KCNC2: variants seen among roughly 807,000 people sequenced by gnomAD.
The protein encoded by KCNC2 is potassium voltage-gated channel subfamily C member 2.
KCNC2 carries 21 observed loss-of-function variants against 44.5 expected under a neutral mutation model. The ratio of observed to expected loss-of-function variants is 0.47; its 90% CI spans 0.33 to 0.68. The LOEUF is 0.68. Among genes scored for constraint, KCNC2 ranks in the 30% least tolerant of loss-of-function variants. The probability of loss-of-function intolerance (pLI) is 0.01; values close to 1 mark genes in which losing one functional copy is unlikely to be tolerated. For missense variants in KCNC2, 589 were observed against 826.2 expected (o/e 0.71, Z 3.52); for synonymous variants, 391 against 339.1 (o/e 1.15, Z -1.68).
At chr12:75,144,700 T>C (rs897762942) in intron 2 of KCNC2, among the ~76,000 whole-genome samples, 3 of 152,142 alleles carry the variant, frequency 2.0e-5, no homozygotes, top group African/African-American at 7.2e-5. Context: ...ACCATTTTAA[T>C]TTGTCCTTAT....
intron 2 of KCNC2, among the ~76,000 whole-genome samples, chr12:75,149,180 T>A (rs1267765165): frequency 6.6e-6 from 1 of 151,806 alleles, no homozygotes; most frequent in East Asian, 1.9e-4. Context: ...TTTGGAAAAG[T>A]TGGAGGAACT....
intron 2 of KCNC2, among the ~76,000 whole-genome samples, chr12:75,186,089 A>AAATT (rs1892926118): frequency 6.8e-6 from 1 of 147,672 alleles, no homozygotes; most frequent in African/African-American, 2.5e-5. Context: ...ATAAATAAAT[A>AAATT]AATAAAAATT....
At chr12:75,148,752 C>T (rs1292735900) in intron 2 of KCNC2, among the ~76,000 whole-genome samples, 2 of 151,764 alleles carry the variant, frequency 1.3e-5, no homozygotes, top group African/African-American at 2.4e-5. Context: ...CTTTAAAGAA[C>T]ATTGAAACTT....
At chr12:75,079,406 C>G (rs1884281656) in intron 2 of KCNC2, among the ~76,000 whole-genome samples, 2 of 152,070 alleles carry the variant, frequency 1.3e-5, no homozygotes, top group African/African-American at 2.4e-5. Flanking sequence ...CTGTGAAAAA[C>G]AATCTAAGAT....
At chr12:75,204,744 GT>G (rs2031552686) in intron 2 of KCNC2, among the ~76,000 whole-genome samples, 1 of 152,000 alleles carries the variant, frequency 6.6e-6, no homozygotes, top group South Asian at 2.1e-4. Context: ...ACGTTGTCAG[GT>G]TATCATCTTA....
chr12:75,076,439 A>AT (rs1421492046), intron 2 of KCNC2, among the ~76,000 whole-genome samples: 11 of 151,748 alleles, frequency 7.2e-5, no homozygotes, highest in Non-Finnish European at 1.5e-4. Context: ...CGCCCGGCTA[A>AT]TTTTTTTTAT....
At chr12:75,058,955 T>C (rs1057090728) in intron 2 of KCNC2, among the ~76,000 whole-genome samples, 1 of 152,040 alleles carries the variant, frequency 6.6e-6, no homozygotes, top group Admixed American at 6.6e-5. Context: ...CTAATCAGCT[T>C]AGGCAGAACC....
At chr12:75,056,006 CTG>C (rs755383097) in intron 2 of KCNC2, among the ~76,000 whole-genome samples, 13 of 151,984 alleles carry the variant, frequency 8.6e-5, no homozygotes, top group Admixed American at 4.6e-4. Flanking sequence ...TGTCCTTTCT[CTG>C]TGCTACTCTC....
At chr12:75,099,376 C>G (rs1462604224) in intron 2 of KCNC2, among the ~76,000 whole-genome samples, 1 of 152,102 alleles carries the variant, frequency 6.6e-6, no homozygotes, top group Non-Finnish European at 1.5e-5. Context: ...TTTGTTCTGT[C>G]TATGAAAGGC....
intron 2 of KCNC2, among the ~76,000 whole-genome samples, chr12:75,055,021 A>G (rs1881590731): frequency 6.6e-6 from 1 of 152,300 alleles, no homozygotes; most frequent in East Asian, 1.9e-4. Flanking sequence ...GGTTACATTG[A>G]ATAACATTCA....
chr12:75,204,829 C>T lies in KCNC2; in HGVS notation c.687+2468G>A, dbSNP rs2137808975. Among the ~76,000 whole-genome samples, 3 of 152,000 alleles carry T rather than the reference C, an allele frequency of 2.0e-5. No individual in the cohort carries two copies. In the South Asian group the frequency reaches 6.2e-4, roughly 32 times the overall value. ...TGACTTATGATTACTTTTTTTCAGC[C>T]AACCCCTAGGAATTTGAAAAGGGAT... On this transcript the variant is annotated intron_variant, in intron 2 of 4. Coordinates refer to ENST00000549446, the MANE Select transcript of KCNC2 (RefSeq NM_139137.4).
intron 2 of KCNC2, among the ~76,000 whole-genome samples, chr12:75,093,017 T>G (rs1885618925): frequency 7.1e-6 from 1 of 141,180 alleles, no homozygotes; most frequent in Non-Finnish European, 1.6e-5. Flanking sequence ...CCTTTAGGCT[T>G]TTTTTTTTTT....
chr12:75,208,358 G>C (rs1285936245), intron 1 of KCNC2, among the ~76,000 whole-genome samples: 5 of 148,986 alleles, frequency 3.4e-5, no homozygotes, highest in Non-Finnish European at 7.4e-5. Context: ...CCTGCTCCCA[G>C]CCCCTAACCC....
chr12:75,109,614 T>C (rs2471637), intron 2 of KCNC2, among the ~76,000 whole-genome samples: 33,183 of 151,884 alleles, frequency 0.22, 4,511 homozygotes, highest in African/African-American at 0.38. Context: ...GATCATAAGA[T>C]TTTAAGTCCC....
intron 2 of KCNC2, among the ~76,000 whole-genome samples, chr12:75,141,667 A>C (rs78345955): frequency 0.015 from 2,212 of 152,202 alleles, 44 homozygotes; most frequent in African/African-American, 0.05. Flanking sequence ...TTTCAATGCG[A>C]TGTTTCCATG....
intron 2 of KCNC2, among the ~76,000 whole-genome samples, chr12:75,141,254 T>A (rs140991036): frequency 0.013 from 1,966 of 152,294 alleles, 17 homozygotes; most frequent in Non-Finnish European, 0.022. Flanking sequence ...ACAATGTCAA[T>A]ACCCATCTCT....
chr12:75,080,581 C>T (rs1884405507), intron 2 of KCNC2, among the ~76,000 whole-genome samples: 1 of 152,040 alleles, frequency 6.6e-6, no homozygotes, highest in South Asian at 2.1e-4. Flanking sequence ...AGCGAAAAGG[C>T]TGAAGTGGGC....
At chr12:75,057,550 C>G (rs1407497103) in intron 2 of KCNC2, among the ~76,000 whole-genome samples, 1 of 151,906 alleles carries the variant, frequency 6.6e-6, no homozygotes, top group Non-Finnish European at 1.5e-5. Context: ...TTGAAGAAAG[C>G]TGGCATTTCA....
chr12:75,084,263 G>C (rs1232397437), intron 2 of KCNC2, among the ~76,000 whole-genome samples: 1 of 74,546 alleles, frequency 1.3e-5, no homozygotes, highest in African/African-American at 5.2e-5. Flanking sequence ...ATGATAGATA[G>C]ATAGATTAGA....
Sources: gnomAD v4.1 joint callset for allele counts (sites outside exome capture counted in the v4.1 genomes callset) on GRCh38, gnomAD v4.1.1 for gene constraint, MANE v1.5 for transcripts, NCBI Gene and HGNC (gene_info 2026-07-23, HGNC 2026-07-21) for gene names.